Variants in CTNND2 observed in about 807,000 individuals in gnomAD.
The protein encoded by CTNND2 is catenin delta-2.
CTNND2 carries 22 observed loss-of-function variants against 144.4 expected under a neutral mutation model. That is an observed-to-expected ratio of 0.15 (90% CI 0.11 to 0.22). The LOEUF (loss-of-function observed/expected upper bound fraction) is 0.22, where lower values mean the gene tolerates loss of function less well. Among genes scored for constraint, CTNND2 ranks in the 10% least tolerant of loss-of-function variants. CTNND2 has a pLI of 1.00. For missense variants in CTNND2, 1,353 were observed against 1,618.8 expected (o/e 0.84, Z 2.82); for synonymous variants, 751 against 695.6 (o/e 1.08, Z -1.25).
chr5:11,034,762 C>T (rs1043115535), intron 16 of CTNND2, among the ~76,000 whole-genome samples: 2 of 144,670 alleles, frequency 1.4e-5, no homozygotes, highest in Non-Finnish European at 3.1e-5. Flanking sequence ...TAGTTTTCTT[C>T]TTTTTTTTTT....
At chr5:11,222,087 C>T (rs917036952) in intron 10 of CTNND2, among the ~76,000 whole-genome samples, 1 of 152,156 alleles carries the variant, frequency 6.6e-6, no homozygotes, top group Non-Finnish European at 1.5e-5. Context: ...GATGCAAATG[C>T]GAATGGACTG....
At chr5:11,311,659 C>A (rs1385256200) in intron 9 of CTNND2, among the ~76,000 whole-genome samples, 1 of 148,018 alleles carries the variant, frequency 6.8e-6, no homozygotes, top group East Asian at 2.1e-4. Context: ...GATATACCCT[C>A]AACTCATGTA....
At chr5:11,453,407 G>A (rs1424151097) in intron 3 of CTNND2, among the ~76,000 whole-genome samples, 3 of 152,168 alleles carry the variant, frequency 2.0e-5, no homozygotes, top group Non-Finnish European at 4.4e-5. Flanking sequence ...GGTATTTTAA[G>A]GAAGTGAAAC....
intron 1 of CTNND2, among the ~76,000 whole-genome samples, chr5:11,867,349 G>A (rs905273982): frequency 5.3e-5 from 8 of 152,028 alleles, no homozygotes; most frequent in Admixed American, 1.3e-4. Context: ...TTTTACTTGG[G>A]GGAAGAAAAT....
intron 10 of CTNND2, among the ~76,000 whole-genome samples, chr5:11,225,858 TG>T (rs1740279440): frequency 1.3e-5 from 2 of 152,146 alleles, no homozygotes; most frequent in African/African-American, 4.8e-5. Context: ...TCTACATAGA[TG>T]TAATCAAGTT....
intron 1 of CTNND2, among the ~76,000 whole-genome samples, chr5:11,733,682 C>T (rs541534027): frequency 1.2e-4 from 18 of 152,270 alleles, no homozygotes; most frequent in African/African-American, 3.8e-4. Flanking sequence ...TTACCAAGTT[C>T]CTAGTCCATG....
intron 9 of CTNND2, among the ~76,000 whole-genome samples, chr5:11,329,218 C>T (rs1752832602): frequency 6.6e-6 from 1 of 152,082 alleles, no homozygotes; most frequent in South Asian, 2.1e-4. Context: ...TATAGTGGTG[C>T]AATCTTGGCT....
rs538420873 is a variant in CTNND2 at position 11,403,147 on chromosome 5, T to C, written c.440-5944A>G. Among the ~76,000 whole-genome samples, 7 of 152,314 alleles carry C rather than the reference T, an allele frequency of 4.6e-5. No individual in the cohort carries two copies. In the South Asian group the frequency reaches 8.3e-4, roughly 18 times the overall value. On this transcript the variant is annotated intron_variant, in intron 5 of 21. Transcript: ENST00000304623. ...GTTTGCTGCACCTATCAACCTGTCA[T>C]CTAGGTTTTAAGCCCTGCATGCATT...
chr5:11,074,326 A>G (rs763079186), intron 16 of CTNND2, among the ~76,000 whole-genome samples: 1 of 152,230 alleles, frequency 6.6e-6, no homozygotes, highest in Non-Finnish European at 1.5e-5. Flanking sequence ...TCTGTTTCTC[A>G]GTTTCGCCAG....
intron 2 of CTNND2, among the ~76,000 whole-genome samples, chr5:11,643,740 A>G (rs1015342197): frequency 3.9e-5 from 6 of 152,170 alleles, no homozygotes; most frequent in African/African-American, 1.4e-4. Flanking sequence ...AGACCAAAAA[A>G]TAATTATAAT....
chr5:11,721,176 A>G (rs189925966), intron 2 of CTNND2, among the ~76,000 whole-genome samples: 2 of 152,338 alleles, frequency 1.3e-5, no homozygotes, highest in African/African-American at 4.8e-5. Flanking sequence ...ACATGAATGA[A>G]ACTTGAAACA....
intron 9 of CTNND2, among the ~76,000 whole-genome samples, chr5:11,242,750 G>C (rs57652123): frequency 3.3e-5 from 5 of 152,296 alleles, no homozygotes; most frequent in African/African-American, 1.2e-4. Context: ...TGTTGTACTA[G>C]AATGAGCACA....
chr5:11,811,831 G>T (rs1418667034), intron 1 of CTNND2, among the ~76,000 whole-genome samples: 1 of 152,162 alleles, frequency 6.6e-6, no homozygotes, highest in Non-Finnish European at 1.5e-5. Flanking sequence ...TAAGCTGTTT[G>T]TTGTTGAACA....
chr5:11,103,757 T>C (rs1419598080), intron 14 of CTNND2, among the ~76,000 whole-genome samples: 1 of 151,598 alleles, frequency 6.6e-6, no homozygotes, highest in Non-Finnish European at 1.5e-5. Flanking sequence ...AACATGGGGT[T>C]CTTTAAGTTA....
At chr5:11,781,915 A>G (rs1476254963) in intron 1 of CTNND2, among the ~76,000 whole-genome samples, 1 of 152,226 alleles carries the variant, frequency 6.6e-6, no homozygotes, top group Non-Finnish European at 1.5e-5. Flanking sequence ...GGCATCATCT[A>G]GGGTTTCTAA....
chr5:10,986,752 G>C (rs1738011187), intron 20 of CTNND2: 1 of 447,706 alleles, frequency 2.2e-6, no homozygotes, highest in Non-Finnish European at 4.5e-6. Context: ...CTGGGGGCAG[G>C]GATAAGAAAC....
intron 10 of CTNND2, among the ~76,000 whole-genome samples, chr5:11,229,222 G>C (rs530069482): frequency 1.3e-5 from 2 of 152,110 alleles, no homozygotes; most frequent in Non-Finnish European, 2.9e-5. Context: ...TTGAAATAAG[G>C]CATGTTTAAA....
At chr5:11,350,841 A>G (rs1379769378) in intron 8 of CTNND2, among the ~76,000 whole-genome samples, 1 of 152,250 alleles carries the variant, frequency 6.6e-6, no homozygotes. Context: ...ACTTTGTAAA[A>G]GTATATATGT....
At chr5:11,297,261 C>CT (rs986202654) in intron 9 of CTNND2, among the ~76,000 whole-genome samples, 7 of 152,180 alleles carry the variant, frequency 4.6e-5, no homozygotes, top group African/African-American at 1.7e-4. Context: ...GGAACTAAAA[C>CT]TTGTAGAGTT....
Sources: allele counts gnomAD v4.1 joint callset (sites outside exome capture counted in the v4.1 genomes callset), GRCh38; gene constraint gnomAD v4.1.1; transcripts MANE v1.5; gene names NCBI Gene and HGNC (gene_info 2026-07-23, HGNC 2026-07-21).